TRPS1: variants seen among roughly 807,000 people sequenced by gnomAD.
The protein encoded by TRPS1 is transcriptional repressor GATA binding 1, also known as zinc finger transcription factor Trps1.
A neutral mutation model predicts 101.2 loss-of-function variants in TRPS1; 6 were observed. The ratio of observed to expected loss-of-function variants is 0.06; its 90% confidence interval spans 0.03 to 0.12. TRPS1 has a LOEUF of 0.12. Among genes scored for constraint, TRPS1 ranks in the 10% least tolerant of loss-of-function variants. TRPS1 has a pLI of 1.00. For synonymous variants in TRPS1, 578 were observed against 589.8 expected, an observed-to-expected ratio of 0.98 and a Z score of 0.29; for missense variants, 1,363 against 1,567.0, an observed-to-expected ratio of 0.87 and a Z score of 2.20.
intron 5 of TRPS1, among the ~76,000 whole-genome samples, chr8:115,585,301 C>A (rs1356870941): frequency 2.6e-5 from 4 of 152,150 alleles, no homozygotes; most frequent in African/African-American, 4.8e-5. Context: ...GCAACCACTA[C>A]GCTCAGGTTT....
At chr8:115,503,059 C>T (rs1280958842) in intron 5 of TRPS1, among the ~76,000 whole-genome samples, 9 of 151,818 alleles carry the variant, frequency 5.9e-5, no homozygotes, top group African/African-American at 1.9e-4. Context: ...GTCAGGAGAT[C>T]GAGACCATCC....
At chr8:115,668,493 G>T (rs1487689644) in intron 1 of TRPS1, 52 bp downstream of exon 1, 3 of 135,904 alleles carry the variant, frequency 2.2e-5, no homozygotes, top group Non-Finnish European at 4.8e-5. Context: ...CGCGCCCCCC[G>T]CGCCCCCCGC....
At chr8:115,546,963 TG>T (rs947084929) in intron 5 of TRPS1, among the ~76,000 whole-genome samples, 1 of 152,220 alleles carries the variant, frequency 6.6e-6, no homozygotes, top group African/African-American at 2.4e-5. Flanking sequence ...CCAGTTCAAA[TG>T]TTTAAATAAT....
intron 3 of TRPS1, among the ~76,000 whole-genome samples, chr8:115,606,436 T>A (rs1005098501): frequency 2.0e-5 from 3 of 152,168 alleles, no homozygotes; most frequent in African/African-American, 7.2e-5. Flanking sequence ...TACATTAAGA[T>A]AGGATCTTAC....
intron 1 of TRPS1, among the ~76,000 whole-genome samples, chr8:115,627,448 G>A (rs1818534637): frequency 6.6e-6 from 1 of 151,712 alleles, no homozygotes; most frequent in Non-Finnish European, 1.5e-5. Context: ...GTTAAACTTA[G>A]GCTATTTCAA....
At chr8:115,606,627 T>A in intron 3 of TRPS1, among the ~76,000 whole-genome samples, 1 of 151,582 alleles carries the variant, frequency 6.6e-6, no homozygotes, top group Non-Finnish European at 1.5e-5. Flanking sequence ...GTGTGAGAGG[T>A]TTCAAAGCCA....
At chr8:115,584,496 AT>A (rs1300171634) in intron 5 of TRPS1, among the ~76,000 whole-genome samples, 1 of 151,938 alleles carries the variant, frequency 6.6e-6, no homozygotes, top group African/African-American at 2.4e-5. Context: ...AAACATGTAA[AT>A]TATATCTGTA....
At chr8:115,668,155 G>A (rs1214428061) in intron 1 of TRPS1, 2 of 559,178 alleles carry the variant, frequency 3.6e-6, no homozygotes, top group East Asian at 3.1e-5. Context: ...AGGGGCTACT[G>A]CAGTTTGAAG....
At chr8:115,505,228 G>C (rs1225035586) in intron 5 of TRPS1, among the ~76,000 whole-genome samples, 1 of 152,080 alleles carries the variant, frequency 6.6e-6, no homozygotes, top group Non-Finnish European at 1.5e-5. Context: ...ATATAAAGCT[G>C]TCTACACCAT....
intron 5 of TRPS1, among the ~76,000 whole-genome samples, chr8:115,454,242 T>C (rs903193534): frequency 1.3e-5 from 2 of 152,218 alleles, no homozygotes; most frequent in African/African-American, 4.8e-5. Context: ...ATTTTGAGTA[T>C]CACCCTGGAT....
At chr8:115,500,629 C>CTG (rs1415004858) in intron 5 of TRPS1, among the ~76,000 whole-genome samples, 13 of 151,958 alleles carry the variant, frequency 8.6e-5, no homozygotes, top group African/African-American at 3.1e-4. Context: ...GAGTACTGTG[C>CTG]TGTGATCTCA....
At chr8:115,441,849 G>A (rs983448653) in intron 5 of TRPS1, among the ~76,000 whole-genome samples, 4 of 150,450 alleles carry the variant, frequency 2.7e-5, no homozygotes, top group African/African-American at 9.8e-5. Context: ...TACCATGATA[G>A]GTCTCCCAAT....
At chr8:115,521,400 A>T (rs1044345990) in intron 5 of TRPS1, among the ~76,000 whole-genome samples, 5 of 151,934 alleles carry the variant, frequency 3.3e-5, no homozygotes, top group Non-Finnish European at 7.4e-5. Flanking sequence ...GAGAAGAAAA[A>T]TTTCACATTT....
At chr8:115,592,261 CT>C in intron 4 of TRPS1, among the ~76,000 whole-genome samples, 1 of 152,222 alleles carries the variant, frequency 6.6e-6, no homozygotes, top group African/African-American at 2.4e-5. Flanking sequence ...TAACAAAGTC[CT>C]CAAATGACAC....
At chr8:115,613,973 G>A (rs1244076466) in intron 3 of TRPS1, among the ~76,000 whole-genome samples, 1 of 152,136 alleles carries the variant, frequency 6.6e-6, no homozygotes, top group African/African-American at 2.4e-5. Flanking sequence ...CCTCAAATGT[G>A]GATCGCCTGA....
At chr8:115,667,750 T>C in intron 1 of TRPS1, 4 of 1,335,418 alleles carry the variant, frequency 3.0e-6, no homozygotes, top group Non-Finnish European at 4.0e-6. Context: ...GGAAAAAAGT[T>C]TGAAGCCTGC....
chr8:115,533,153 A>C (rs73371339), intron 5 of TRPS1, among the ~76,000 whole-genome samples: 1 of 152,092 alleles, frequency 6.6e-6, no homozygotes, highest in Non-Finnish European at 1.5e-5. Flanking sequence ...TGAGAGAGTA[A>C]ATTCTAGCTT....
intron 5 of TRPS1, among the ~76,000 whole-genome samples, chr8:115,548,635 A>C (rs1816634439): frequency 6.6e-6 from 1 of 152,198 alleles, no homozygotes; most frequent in Non-Finnish European, 1.5e-5. Context: ...CTGCAAGCCA[A>C]GATATAAAGA....
intron 5 of TRPS1, among the ~76,000 whole-genome samples, chr8:115,494,006 T>C (rs2130114979): frequency 6.6e-6 from 1 of 152,302 alleles, no homozygotes; most frequent in Non-Finnish European, 1.5e-5. Context: ...AAAAAATATA[T>C]TCGATCATTT....
Sources: gnomAD v4.1 joint callset for allele counts (sites outside exome capture counted in the v4.1 genomes callset) on GRCh38, gnomAD v4.1.1 for gene constraint, MANE v1.5 for transcripts, NCBI Gene and HGNC (gene_info 2026-07-23, HGNC 2026-07-21) for gene names.